The following TNRC6B variants were observed in gnomAD, a reference collection of about 807,000 sequenced individuals.
TNRC6B encodes trinucleotide repeat-containing gene 6B protein.
Under a neutral mutation model 203.6 loss-of-function variants are expected in TNRC6B, and 52 were observed. The observed-to-expected ratio is 0.26, with a 90% CI of 0.20 to 0.32. The LOEUF is 0.32. Ranked by LOEUF, TNRC6B falls within the 10% of genes least tolerant of loss-of-function variation. The pLI, the probability that TNRC6B is intolerant of heterozygous loss-of-function variation, is 1.00. For synonymous variants in TNRC6B, 838 were observed against 845.7 expected (o/e 0.99, Z 0.16); for missense variants, 1,923 against 2,286.2 (o/e 0.84, Z 3.24).
chr22:40,297,967 T>A (rs2070966793), intron 12 of TNRC6B, among the ~76,000 whole-genome samples: 1 of 149,096 alleles, frequency 6.7e-6, no homozygotes, highest in Non-Finnish European at 1.5e-5. Context: ...CTAAAAAAAA[T>A]ACAAAAAATT....
intron 2 of TNRC6B, among the ~76,000 whole-genome samples, chr22:40,119,010 C>T (rs1045733509): frequency 3.5e-4 from 53 of 152,290 alleles, no homozygotes; most frequent in Middle Eastern, 3.4e-3. Context: ...ATGTTCATTA[C>T]GGCTGGAACA....
At chr22:40,301,105 G>A in intron 14 of TNRC6B, 45 bp from the exon 15 acceptor site, 4 of 1,554,014 alleles carry the variant, frequency 2.6e-6, no homozygotes, top group African/African-American at 1.4e-5. Flanking sequence ...TTCCTGGGAA[G>A]TTCGGGGCCG....
intron 16 of TNRC6B, 128 bp downstream of exon 16, chr22:40,308,777 G>A: frequency 8.8e-7 from 1 of 1,138,528 alleles, no homozygotes; most frequent in Middle Eastern, 3.0e-4. Flanking sequence ...TGCCTGTGGA[G>A]GAAGGTCAGA....
chr22:40,235,238 G>A (rs542221964), intron 1 of TNRC6B, among the ~76,000 whole-genome samples: 2 of 152,284 alleles, frequency 1.3e-5, no homozygotes, highest in Non-Finnish European at 2.9e-5. Flanking sequence ...ATTTAAATCT[G>A]TATTGGGCAG....
intron 3 of TNRC6B, among the ~76,000 whole-genome samples, chr22:40,259,895 G>A (rs546949131): frequency 4.5e-4 from 69 of 152,298 alleles, no homozygotes; most frequent in African/African-American, 1.6e-3. Flanking sequence ...CATCCGAACT[G>A]TCAGGCTTGA....
chr22:40,096,887 A>G (rs1009067434), intron 1 of TNRC6B, among the ~76,000 whole-genome samples: 2 of 152,222 alleles, frequency 1.3e-5, no homozygotes, highest in African/African-American at 4.8e-5. Flanking sequence ...TCTGAAAAGA[A>G]CAAGTTGGAA....
At chr22:40,316,453 G>A (rs1409551755) in intron 21 of TNRC6B, among the ~76,000 whole-genome samples, 3 of 151,978 alleles carry the variant, frequency 2.0e-5, no homozygotes, top group African/African-American at 7.2e-5. Context: ...ATTGCTTGAA[G>A]CCAGGAGTCT....
chr22:40,188,809 C>A (rs2069237178), intron 1 of TNRC6B, among the ~76,000 whole-genome samples: 1 of 152,138 alleles, frequency 6.6e-6, no homozygotes, highest in Non-Finnish European at 1.5e-5. Flanking sequence ...AATGTTTATG[C>A]TGAAACAGAA....
rs1383699962 is a variant in TNRC6B at position 40,324,230 on chromosome 22, T to TG, written c.*990dup. On this transcript the variant is annotated 3_prime_UTR_variant, in exon 23 of 23. Transcript: ENST00000454349. ...TTGACCTAGCAGTAGAGTGGAGCAC[T>TG]GCCAAGTCCAAAAAACTAGAGCAGG... is the stretch of plus-strand genomic sequence containing the variant. 6.6e-6 allele frequency: 1 copy of TG among 152,176 alleles called. No homozygotes were observed. The highest frequency in any genetic ancestry group is 1.5e-5 in the Non-Finnish European group (1 of 67,982). The allele number at this position is 152,176 out of a possible 1,614,324, so 9.4% of individuals were successfully genotyped here.
At chr22:40,291,561 C>T (rs1022553714) in intron 12 of TNRC6B, among the ~76,000 whole-genome samples, 22 of 152,134 alleles carry the variant, frequency 1.4e-4, no homozygotes, top group Non-Finnish European at 1.5e-4. Flanking sequence ...GTCACTAGAA[C>T]CTGATGTTAA....
At chr22:40,108,817 C>T (rs1459964384) in intron 1 of TNRC6B, among the ~76,000 whole-genome samples, 1 of 152,164 alleles carries the variant, frequency 6.6e-6, no homozygotes, top group Non-Finnish European at 1.5e-5. Context: ...GCAGGATGTG[C>T]AGGTTTGTTA....
intron 1 of TNRC6B, among the ~76,000 whole-genome samples, chr22:40,087,883 C>T (rs984215981): frequency 1.1e-4 from 16 of 152,080 alleles, no homozygotes; most frequent in Non-Finnish European, 1.6e-4. Flanking sequence ...AGATGTACAG[C>T]GTTTGGTGAC....
intron 3 of TNRC6B, among the ~76,000 whole-genome samples, chr22:40,141,308 C>T (rs1300447734): frequency 1.4e-5 from 2 of 147,392 alleles, no homozygotes; most frequent in East Asian, 2.0e-4. Context: ...CGGGTTCAGG[C>T]GATGCTCCCA....
At chr22:40,133,617 T>C (rs548732979) in intron 3 of TNRC6B, among the ~76,000 whole-genome samples, 2 of 152,160 alleles carry the variant, frequency 1.3e-5, no homozygotes, top group South Asian at 4.1e-4. Context: ...ATTGGTTTGT[T>C]GTTGAATGGG....
chr22:40,132,951 A>T (rs1465660736), intron 3 of TNRC6B, among the ~76,000 whole-genome samples: 21 of 84,910 alleles, frequency 2.5e-4, no homozygotes, highest in African/African-American at 9.7e-4. Context: ...CTCAAAAAAA[A>T]AAAAAAAAAA....
chr22:40,096,396 C>A lies in TNRC6B; in HGVS notation c.-120-20659C>A, dbSNP rs551152641. On this transcript the variant is annotated intron_variant, in intron 1 of 23. Coordinates refer to the TNRC6B transcript ENST00000301923. ...ACCTCTTTTAGAAGCATCTACATTT[C>A]CTGCAGAGATAGGATGTTTTTATTA... Among the ~76,000 whole-genome samples the A allele has an allele frequency of 3.9e-5, 6 of 152,316 alleles. No individual in the cohort carries two copies. The East Asian group carries it at 1.2e-3, about 29-fold the overall frequency.
At chr22:40,214,408 C>G (rs2069606037) in intron 1 of TNRC6B, among the ~76,000 whole-genome samples, 4 of 152,092 alleles carry the variant, frequency 2.6e-5, no homozygotes. Context: ...CTGGTGAAAT[C>G]TGAATAAGGT....
intron 22 of TNRC6B, among the ~76,000 whole-genome samples, chr22:40,322,062 C>T (rs1008832397): frequency 6.6e-6 from 1 of 152,120 alleles, no homozygotes; most frequent in Non-Finnish European, 1.5e-5. Context: ...GCTCAGGCAG[C>T]GAGGAGCCCC....
chr22:40,206,120 G>A (rs2069474413), intron 1 of TNRC6B, among the ~76,000 whole-genome samples: 1 of 152,006 alleles, frequency 6.6e-6, no homozygotes, highest in East Asian at 1.9e-4. Flanking sequence ...CACATAATGA[G>A]CCCAGAAATA....
Sources: gnomAD v4.1 joint callset for allele counts (sites outside exome capture counted in the v4.1 genomes callset) on GRCh38, gnomAD v4.1.1 for gene constraint, MANE v1.5 for transcripts, NCBI Gene and HGNC (gene_info 2026-07-23, HGNC 2026-07-21) for gene names.